MYBPC1: variants seen among roughly 807,000 people sequenced by gnomAD.
The protein encoded by MYBPC1 is myosin binding protein C1, also known as myosin-binding protein C, slow-type.
A neutral mutation model predicts 147.1 loss-of-function variants in MYBPC1; 52 were observed. That is an observed-to-expected ratio of 0.35 (90% CI 0.28 to 0.45). The LOEUF (loss-of-function observed/expected upper bound fraction) is 0.45, where lower values mean the gene tolerates loss of function less well. Ranked by LOEUF, MYBPC1 falls within the 20% of genes least tolerant of loss-of-function variation. The pLI, the probability that MYBPC1 is intolerant of heterozygous loss-of-function variation, is 1.00. For missense variants in MYBPC1, 1,228 were observed against 1,440.3 expected, an observed-to-expected ratio of 0.85 and a Z score of 2.39; for synonymous variants, 477 against 475.9, an observed-to-expected ratio of 1.00 and a Z score of -0.03.
intron 2 of MYBPC1, among the ~76,000 whole-genome samples, chr12:101,615,487 T>A (rs549849074): frequency 5.9e-5 from 9 of 152,256 alleles, no homozygotes; most frequent in African/African-American, 2.2e-4. Flanking sequence ...ATGTACGTAT[T>A]GATAGCTAGG....
chr12:101,619,280 C>T (rs1351526671), intron 3 of MYBPC1, among the ~76,000 whole-genome samples: 1 of 151,980 alleles, frequency 6.6e-6, no homozygotes, highest in Non-Finnish European at 1.5e-5. Flanking sequence ...ACAGCTTTCT[C>T]CTGACCATCC....
At chr12:101,649,187 A>G in intron 14 of MYBPC1, 73 bp from the exon 15 acceptor site, 1 of 1,372,738 alleles carries the variant, frequency 7.3e-7, no homozygotes, top group East Asian at 2.4e-5. Flanking sequence ...GGATATTGCA[A>G]TAAGCAAGAT....
At chr12:101,687,278 G>A (rs181276599), downstream of MYBPC1, among the ~76,000 whole-genome samples, 1 of 152,004 alleles carries the variant, frequency 6.6e-6, no homozygotes, top group Admixed American at 6.5e-5. Flanking sequence ...CTGTGTCCAA[G>A]TGTTCTCATT....
Position 101,646,897 on chromosome 12 carries a change from A to G in MYBPC1, c.1090+10A>G, listed in dbSNP as rs1347519655. 4 of 1,613,958 alleles carry G rather than the reference A, an allele frequency of 2.5e-6. No individual in the cohort carries two copies. Reference sequence around the variant, plus strand: ...GAGCTCTTCGTAAGAGGTAAAAATGAAATCTCTTATTGTGGTCACCAGGAG... The same window carrying G: ...GAGCTCTTCGTAAGAGGTAAAAATGGAATCTCTTATTGTGGTCACCAGGAG... On this transcript the variant is annotated intron_variant, in intron 13 of 31. Transcript: ENST00000361466.
At chr12:101,623,496 A>G (rs1887904446) in intron 3 of MYBPC1, among the ~76,000 whole-genome samples, 1 of 152,224 alleles carries the variant, frequency 6.6e-6, no homozygotes, top group Admixed American at 6.5e-5. Context: ...CATGAAAGTA[A>G]GTGAATACTC....
chr12:101,661,426 T>C (rs1896531857), intron 20 of MYBPC1, among the ~76,000 whole-genome samples, 164 bp downstream of exon 20: 1 of 152,236 alleles, frequency 6.6e-6, no homozygotes, highest in African/African-American at 2.4e-5. Context: ...GCTCTGTAAT[T>C]ACTCGAGATT....
At chr12:101,692,772 T>C in the MYBPC1 span, among the ~76,000 whole-genome samples, 1 of 152,178 alleles carries the variant, frequency 6.6e-6, no homozygotes, top group African/African-American at 2.4e-5. Flanking sequence ...ATCTCTAATA[T>C]ACTTTTTTGA....
chr12:101,675,390 A>G lies in MYBPC1; in HGVS notation c.2908A>G (p.Ile970Val), dbSNP rs749155247. The G allele has an allele frequency of 3.2e-5, 52 of 1,614,098 alleles. No homozygotes were observed. The highest frequency in any genetic ancestry group is 4.2e-5 in the Non-Finnish European group (49 of 1,180,026). The change falls in exon 26 of 32, where the codon ATC (isoleucine) becomes GTC (valine). Residue 970 changes from isoleucine (I) to valine (V), a missense_variant. Physicochemically the swap from Ile to Val is conservative, Grantham distance 29. Around this residue, in one of 2 missense-constraint regions of MYBPC1, gnomAD observed 1,077 missense variants for 1,314.2 expected, o/e 0.82. Transcript: ENST00000361466. ...ACCAAAGGATGATGGAAATGCTGCT[A>G]TCACAGGCTATACCATTCAGAAGGC... ...TPPKDDGNAA[I>V]TGYTIQKADK...
chr12:101,614,743 C>A, intron 2 of MYBPC1: 1 of 607,350 alleles, frequency 1.6e-6, no homozygotes, highest in Non-Finnish European at 2.9e-6. Context: ...TTGGATGGCA[C>A]TTCATATATA....
At chr12:101,647,910 C>G (rs1350745088) in intron 13 of MYBPC1, 135 bp from the exon 14 acceptor site, 3 of 702,730 alleles carry the variant, frequency 4.3e-6, no homozygotes, top group African/African-American at 3.6e-5. Context: ...AAACAAAAAC[C>G]TCACTTACTG....
At chr12:101,666,894 TACACACACACACACACACAC>T in intron 22 of MYBPC1, 1 of 311,200 alleles carries the variant, frequency 3.2e-6, no homozygotes, top group Non-Finnish European at 6.4e-6. Flanking sequence ...ATCACATACA[TACACACACACACACACACAC>T]ACACACACAC....
At chr12:101,607,750 G>A (rs1157148029) in intron 1 of MYBPC1, among the ~76,000 whole-genome samples, 4 of 152,154 alleles carry the variant, frequency 2.6e-5, no homozygotes, top group Admixed American at 2.6e-4. Context: ...TGTAATATTT[G>A]AGACAGCCCA....
intron 13 of MYBPC1, chr12:101,647,156 G>T: frequency 4.5e-6 from 2 of 448,706 alleles, no homozygotes; most frequent in Non-Finnish European, 8.2e-6. Flanking sequence ...GATTTTACTG[G>T]ATAATCCTTG....
At chr12:101,609,179 CG>C (rs1883365225) in intron 1 of MYBPC1, among the ~76,000 whole-genome samples, 1 of 152,026 alleles carries the variant, frequency 6.6e-6, no homozygotes, top group Non-Finnish European at 1.5e-5. Flanking sequence ...GGGAGTGGAA[CG>C]GGTGATATTT....
intron 10 of MYBPC1, among the ~76,000 whole-genome samples, chr12:101,637,474 A>G (rs1443290869): frequency 2.0e-5 from 3 of 152,132 alleles, no homozygotes; most frequent in Non-Finnish European, 2.9e-5. Flanking sequence ...ACTATATTAT[A>G]TGCCTGTTAT....
chr12:101,666,561 G>A, intron 22 of MYBPC1: 1 of 609,678 alleles, frequency 1.6e-6, no homozygotes, highest in East Asian at 3.1e-5. Flanking sequence ...TCTGCACAGA[G>A]CAGGCTGTGC....
At chr12:101,656,844 A>G (rs1056454005) in intron 18 of MYBPC1, among the ~76,000 whole-genome samples, 8 of 152,192 alleles carry the variant, frequency 5.3e-5, no homozygotes, top group Non-Finnish European at 8.8e-5. Context: ...CTATCAATCA[A>G]TTGTATATAA....
At chr12:101,639,171 A>T (rs911303892) in intron 10 of MYBPC1, among the ~76,000 whole-genome samples, 1 of 152,210 alleles carries the variant, frequency 6.6e-6, no homozygotes, top group African/African-American at 2.4e-5. Context: ...CTGTATAAAT[A>T]CTTGTAAGTT....
At chr12:101,633,856 CA>C (rs1350719478) in intron 8 of MYBPC1, among the ~76,000 whole-genome samples, 2 of 150,740 alleles carry the variant, frequency 1.3e-5, no homozygotes, top group Non-Finnish European at 2.9e-5. Context: ...AGCACTGCTT[CA>C]ACCTGGCTGG....
Sources: allele counts gnomAD v4.1 joint callset (sites outside exome capture counted in the v4.1 genomes callset), GRCh38; gene constraint gnomAD v4.1.1; regional missense constraint gnomAD v4.1.1; transcripts MANE v1.5; gene names NCBI Gene and HGNC (gene_info 2026-07-23, HGNC 2026-07-21).